CFAP47: variants seen among roughly 807,000 people sequenced by gnomAD.
The protein encoded by CFAP47 is cilia- and flagella-associated protein 47.
In CFAP47, 29 loss-of-function variants were observed where a neutral mutation model predicts 148.1. The ratio of observed to expected loss-of-function variants is 0.20; its 90% CI spans 0.15 to 0.27. CFAP47 has a LOEUF of 0.27. CFAP47 is among the 10% of genes least tolerant of loss of function. The pLI is 1.00. For synonymous variants in CFAP47, 664 were observed against 577.3 expected (o/e 1.15, Z -2.15); for missense variants, 1,872 against 1,697.5 (o/e 1.10, Z -1.81).
rs1246110992 is a variant in CFAP47 at position 36,021,409 on chromosome X, T to G, written c.3556+6497T>G. ...CCTCAACCTCCTGGGTTCAAGTGAT[T>G]CTCCTGCCTCAGCCTTCCGAGTAGC... On this transcript the variant is annotated intron_variant, in intron 22 of 63. Coordinates refer to ENST00000378653, the MANE Select transcript of CFAP47 (RefSeq NM_001304548.2). Among the ~76,000 whole-genome samples, 6 of 110,990 alleles carry G rather than the reference T, an allele frequency of 5.4e-5. No homozygotes were observed. The East Asian group carries it at 1.1e-3, about 21-fold the overall frequency.
chrX:36,298,160 A>G (rs1556007174), intron 51 of CFAP47, among the ~76,000 whole-genome samples: 1 of 102,656 alleles, frequency 9.7e-6, no homozygotes, highest in Non-Finnish European at 2.0e-5. Context: ...GAACCAACCC[A>G]AATGTCCAAC....
At chrX:36,266,375 G>A (rs1940892367) in intron 49 of CFAP47, among the ~76,000 whole-genome samples, 2 of 111,275 alleles carry the variant, frequency 1.8e-5, no homozygotes, top group Admixed American at 1.9e-4. Context: ...AGTACTTGGG[G>A]AGGTGGGTGG....
chrX:35,967,083 G>A (rs1234470287), intron 9 of CFAP47, among the ~76,000 whole-genome samples: 4 of 111,115 alleles, frequency 3.6e-5, no homozygotes, highest in Non-Finnish European at 7.5e-5. Context: ...TTTTTACAAT[G>A]TTCCCAGTAG....
intron 29 of CFAP47, among the ~76,000 whole-genome samples, chrX:36,078,524 A>AC (rs1053613334): frequency 3.0e-5 from 3 of 101,343 alleles, no homozygotes; most frequent in Non-Finnish European, 5.8e-5. Flanking sequence ...TAGGATTGCA[A>AC]CCCCTACTTT....
chrX:36,321,114 T>C (rs1219279764), intron 57 of CFAP47, among the ~76,000 whole-genome samples: 1 of 111,714 alleles, frequency 9.0e-6, no homozygotes, highest in Non-Finnish European at 1.9e-5. Context: ...ATAGCCCAGA[T>C]TTGGAAGTAA....
intron 18 of CFAP47, among the ~76,000 whole-genome samples, chrX:35,996,354 A>G (rs1936848066): frequency 8.9e-6 from 1 of 111,860 alleles, no homozygotes; most frequent in Non-Finnish European, 1.9e-5. Flanking sequence ...TTATGAATAT[A>G]GCTACTTTAA....
Position 36,306,838 on chromosome X carries a change from G to C in CFAP47, c.8149G>C (p.Ala2717Pro). The change falls in exon 55 of 64, where the codon GCT becomes CCT. Residue 2717 changes from alanine (A) to proline (P), a missense_variant. Coordinates refer to ENST00000378653, the MANE Select transcript of CFAP47 (RefSeq NM_001304548.2). Reference sequence around the variant, plus strand: ...CTTTTATCCTTCTGCACTTGGAAGAGCTGATCATCAAGCTTGCATCAACTT... The same window carrying C: ...CTTTTATCCTTCTGCACTTGGAAGACCTGATCATCAAGCTTGCATCAACTT... ...VLFYPSALGRADHQACINFYC... is the reference protein window; with the variant it reads ...VLFYPSALGRPDHQACINFYC... The C allele has an allele frequency of 8.6e-7, 1 of 1,156,213 alleles. No individual in the cohort carries two copies. The highest frequency in any genetic ancestry group is 1.2e-6 in the Non-Finnish European group (1 of 864,350).
chrX:36,373,965 A>G (rs146270561), intron 62 of CFAP47, among the ~76,000 whole-genome samples: 294 of 111,646 alleles, frequency 2.6e-3, no homozygotes, highest in African/African-American at 8.9e-3. Flanking sequence ...ATGGTTTACT[A>G]ATACTGTATT....
chrX:35,981,192 ATACT>A (rs779317033), intron 15 of CFAP47, among the ~76,000 whole-genome samples: 59 of 109,757 alleles, frequency 5.4e-4, no homozygotes, highest in African/African-American at 1.8e-3. Flanking sequence ...TCAGTGGAAA[ATACT>A]TACTTAGTAC....
intron 15 of CFAP47, among the ~76,000 whole-genome samples, chrX:35,976,707 A>ATTT (rs199966181): frequency 0.016 from 1,816 of 111,706 alleles, 33 homozygotes; most frequent in African/African-American, 0.057. Flanking sequence ...AGAATGACAT[A>ATTT]TTTTTCTAGT....
At chrX:35,934,609 C>A (rs769182380) in intron 2 of CFAP47, among the ~76,000 whole-genome samples, 1 of 111,144 alleles carries the variant, frequency 9.0e-6, no homozygotes. Context: ...CTTTTCCCTC[C>A]ACTTATGTCA....
intron 2 of CFAP47, among the ~76,000 whole-genome samples, chrX:35,937,869 A>G (rs1935941187): frequency 9.0e-6 from 1 of 111,534 alleles, no homozygotes; most frequent in African/African-American, 3.3e-5. Context: ...CTGAAAAAAG[A>G]AGAAAGAAAA....
At chrX:36,007,849 GTA>G (rs1482319502) in intron 21 of CFAP47, among the ~76,000 whole-genome samples, 1 of 111,683 alleles carries the variant, frequency 9.0e-6, no homozygotes, top group East Asian at 2.8e-4. Flanking sequence ...TAGAAAAATT[GTA>G]TGTTTCAGGA....
chrX:35,951,059 G>A (rs1936155689), intron 4 of CFAP47, 72 bp from the exon 5 acceptor site: 5 of 727,689 alleles, frequency 6.9e-6, no homozygotes, highest in Non-Finnish European at 2.0e-6. Context: ...GTCGAAATGT[G>A]TGGGAGAAAA....
At chrX:36,195,519 G>T (rs868909736) in intron 42 of CFAP47, among the ~76,000 whole-genome samples, 1 of 111,779 alleles carries the variant, frequency 8.9e-6, no homozygotes, top group African/African-American at 3.2e-5. Context: ...AATAGGCAGG[G>T]CCTGATTTCA....
intron 2 of CFAP47, among the ~76,000 whole-genome samples, chrX:35,935,823 T>C (rs979110621): frequency 9.0e-6 from 1 of 111,476 alleles, no homozygotes; most frequent in Non-Finnish European, 1.9e-5. Context: ...TAGAAAAATA[T>C]TGTGACACTT....
At chrX:36,179,668 A>C (rs1351632233) in intron 40 of CFAP47, among the ~76,000 whole-genome samples, 1 of 111,965 alleles carries the variant, frequency 8.9e-6, no homozygotes, top group East Asian at 2.8e-4. Flanking sequence ...ATGTTCTATA[A>C]AATTTCTGCA....
At chrX:36,176,547 A>G (rs1178570684) in intron 39 of CFAP47, among the ~76,000 whole-genome samples, 2 of 112,372 alleles carry the variant, frequency 1.8e-5, no homozygotes, top group African/African-American at 6.5e-5. Flanking sequence ...TAACATCTCC[A>G]GAAGATTTGT....
At chrX:35,922,187 G>T (rs1935589092) in intron 1 of CFAP47, among the ~76,000 whole-genome samples, 1 of 110,642 alleles carries the variant, frequency 9.0e-6, no homozygotes, top group Non-Finnish European at 1.9e-5. Flanking sequence ...TTCATACCCT[G>T]TCATCTGCAA....
Sources: allele counts gnomAD v4.1 joint callset (sites outside exome capture counted in the v4.1 genomes callset), GRCh38; gene constraint gnomAD v4.1.1; transcripts MANE v1.5; gene names NCBI Gene and HGNC (gene_info 2026-07-23, HGNC 2026-07-21).